Variants in NELL1 observed in about 807,000 individuals in gnomAD.
NELL1 encodes neural EGFL like 1.
A neutral mutation model predicts 107.4 loss-of-function variants in NELL1; 76 were observed. The ratio of observed to expected loss-of-function variants is 0.71; its 90% CI spans 0.59 to 0.86. NELL1 has a LOEUF of 0.86. Ranked by LOEUF, NELL1 falls within the 40% of genes least tolerant of loss-of-function variation. The probability of loss-of-function intolerance (pLI) is 0.00; values close to 1 mark genes in which losing one functional copy is unlikely to be tolerated. For missense variants in NELL1, 1,024 were observed against 1,005.5 expected (o/e 1.02, Z -0.25); for synonymous variants, 353 against 341.2 (o/e 1.03, Z -0.38).
intron 17 of NELL1, among the ~76,000 whole-genome samples, chr11:21,566,390 C>T (rs757111298): frequency 6.6e-6 from 1 of 151,520 alleles, no homozygotes; most frequent in African/African-American, 2.4e-5. Flanking sequence ...CTGACTATTC[C>T]ATATTAAAAT....
chr11:21,158,454 C>A (rs888274212), intron 13 of NELL1, among the ~76,000 whole-genome samples: 1 of 152,136 alleles, frequency 6.6e-6, no homozygotes, highest in South Asian at 2.1e-4. Flanking sequence ...TAAAATGGTA[C>A]CTTGCTATTG....
At chr11:20,678,628 C>T (rs1339041201) in intron 2 of NELL1, among the ~76,000 whole-genome samples, 1 of 152,162 alleles carries the variant, frequency 6.6e-6, no homozygotes, top group Non-Finnish European at 1.5e-5. Context: ...AAGAATAAGG[C>T]ATCAGCAGAT....
chr11:20,862,376 C>A (rs74490300), intron 4 of NELL1, among the ~76,000 whole-genome samples: 5,480 of 152,158 alleles, frequency 0.036, 301 homozygotes, highest in African/African-American at 0.13. Flanking sequence ...CGTCACTACA[C>A]ACGCACAAGC....
chr11:21,050,373 A>G (rs552098593), intron 12 of NELL1, among the ~76,000 whole-genome samples: 2 of 152,254 alleles, frequency 1.3e-5, no homozygotes, highest in East Asian at 1.9e-4. Context: ...CTTAAAACTC[A>G]TAAATTATAT....
intron 13 of NELL1, among the ~76,000 whole-genome samples, chr11:21,130,313 TC>T (rs1317819112): frequency 1.1e-4 from 16 of 152,178 alleles, no homozygotes; most frequent in African/African-American, 3.9e-4. Flanking sequence ...ATGGCTGTCT[TC>T]CTAAGAGATG....
chr11:20,827,662 C>T (rs1029058793), intron 3 of NELL1, among the ~76,000 whole-genome samples: 1 of 151,272 alleles, frequency 6.6e-6, no homozygotes, highest in Non-Finnish European at 1.5e-5. Context: ...TCAATTACTT[C>T]TGCTGACATT....
intron 14 of NELL1, among the ~76,000 whole-genome samples, chr11:21,303,503 T>A (rs1565157385): frequency 6.6e-6 from 1 of 151,988 alleles, no homozygotes; most frequent in Non-Finnish European, 1.5e-5. Flanking sequence ...TAGCCTTATG[T>A]ATGATTCCCT....
intron 4 of NELL1, among the ~76,000 whole-genome samples, chr11:20,854,901 T>G (rs771901335): frequency 6.6e-6 from 1 of 152,204 alleles, no homozygotes; most frequent in Non-Finnish European, 1.5e-5. Context: ...TAACAGGAAA[T>G]AGAGTTAATG....
intron 4 of NELL1, among the ~76,000 whole-genome samples, chr11:20,880,808 G>A (rs1445371029): frequency 6.6e-6 from 1 of 152,132 alleles, no homozygotes; most frequent in Non-Finnish European, 1.5e-5. Context: ...CAAGATTCTC[G>A]GTCTTGTAGC....
chr11:21,146,174 C>T (rs372479473), intron 13 of NELL1, among the ~76,000 whole-genome samples: 103 of 151,898 alleles, frequency 6.8e-4, no homozygotes, highest in African/African-American at 2.0e-3. Context: ...GTCTGGTGCA[C>T]AGAAAGCACT....
chr11:21,394,402 A>G lies in NELL1; in HGVS notation c.1645+23454A>G, dbSNP rs1851939885. Among the ~76,000 whole-genome samples, 4 of 151,520 alleles carry G rather than the reference A, an allele frequency of 2.6e-5. No individual in the cohort carries two copies. In the South Asian group the frequency reaches 6.2e-4, roughly 24 times the overall value. On this transcript the variant is annotated intron_variant, in intron 15 of 19. Transcript: ENST00000357134. ...GTAAGGTATATATACACATAAATGT[A>G]TACATATATATGTATGTATATAGCC...
intron 13 of NELL1, among the ~76,000 whole-genome samples, chr11:21,153,110 G>GTAGA (rs1376872293): frequency 1.3e-5 from 2 of 152,152 alleles, no homozygotes; most frequent in African/African-American, 4.8e-5. Flanking sequence ...CGTTCTTAGA[G>GTAGA]TAGATGGATT....
At chr11:21,230,238 G>T (rs1858010690) in intron 14 of NELL1, among the ~76,000 whole-genome samples, 1 of 152,090 alleles carries the variant, frequency 6.6e-6, no homozygotes, top group African/African-American at 2.4e-5. Flanking sequence ...TTATGTGTTT[G>T]CTTATCTCTG....
chr11:21,479,187 G>T (rs1854426279), intron 15 of NELL1, among the ~76,000 whole-genome samples: 1 of 151,966 alleles, frequency 6.6e-6, no homozygotes, highest in Non-Finnish European at 1.5e-5. Context: ...CCACTTCTGG[G>T]TATATACTCA....
chr11:21,145,041 G>C (rs1401515824), intron 13 of NELL1, among the ~76,000 whole-genome samples: 1 of 152,174 alleles, frequency 6.6e-6, no homozygotes, highest in African/African-American at 2.4e-5. Context: ...GGGTTGTTGT[G>C]ATGATTAAAT....
intron 2 of NELL1, among the ~76,000 whole-genome samples, chr11:20,774,450 T>A (rs1856709515): frequency 6.6e-6 from 1 of 151,266 alleles, no homozygotes; most frequent in Admixed American, 6.6e-5. Flanking sequence ...CAGGATAGAC[T>A]AGAATTCCTG....
chr11:20,786,511 C>T (rs975716076), intron 3 of NELL1, among the ~76,000 whole-genome samples: 9 of 152,002 alleles, frequency 5.9e-5, no homozygotes, highest in Non-Finnish European at 2.9e-5. Context: ...TTATCTGAGT[C>T]ACAAGACACC....
At chr11:20,789,787 T>G (rs1441928242) in intron 3 of NELL1, among the ~76,000 whole-genome samples, 1 of 152,144 alleles carries the variant, frequency 6.6e-6, no homozygotes, top group Non-Finnish European at 1.5e-5. Context: ...CAGCTCCTAA[T>G]AGAGAGGAGA....
Position 21,035,488 on chromosome 11 carries a change from AT to A in NELL1, c.1300+74929del, listed in dbSNP as rs1258076542. Among the ~76,000 whole-genome samples the A allele has an allele frequency of 5.9e-4, 88 of 148,060 alleles. 2 individuals carry two copies. Among genetic ancestry groups the A allele is most frequent in the African/African-American group, 1.8e-3 (73 of 39,986 alleles). Reference sequence around the variant, plus strand: ...CAAAAATCCTAAAAAAAAAAAAAAAATAAAACTGGCAAATGAATCCAGCAGC... The same window carrying A: ...CAAAAATCCTAAAAAAAAAAAAAAAAAAAACTGGCAAATGAATCCAGCAGC... On this transcript the variant is annotated intron_variant, in intron 12 of 19. Coordinates refer to ENST00000357134, the MANE Select transcript of NELL1 (RefSeq NM_006157.5).
Sources: allele counts gnomAD v4.1 joint callset (sites outside exome capture counted in the v4.1 genomes callset), GRCh38; gene constraint gnomAD v4.1.1; transcripts MANE v1.5; gene names NCBI Gene and HGNC (gene_info 2026-07-23, HGNC 2026-07-21).